Variants in PDIA5 observed in about 807,000 individuals in gnomAD.
PDIA5 encodes protein disulfide-isomerase A5.
Under a neutral mutation model 77.6 loss-of-function variants are expected in PDIA5, and 58 were observed. The observed-to-expected ratio is 0.75, with a 90% CI of 0.61 to 0.93. The LOEUF (loss-of-function observed/expected upper bound fraction) is 0.93, where lower values mean the gene tolerates loss of function less well. PDIA5 is among the 40% of genes least tolerant of loss of function. The pLI is 0.00. For missense variants in PDIA5, 630 were observed against 647.7 expected, an observed-to-expected ratio of 0.97 and a Z score of 0.30; for synonymous variants, 250 against 252.1, an observed-to-expected ratio of 0.99 and a Z score of 0.08.
chr3:123,102,451 G>C lies in PDIA5; in HGVS notation c.298G>C (p.Asp100His). 6.2e-7 allele frequency: 1 copy of C among 1,614,126 alleles called. No individual in the cohort carries two copies. The highest frequency in any genetic ancestry group is 1.1e-5 in the South Asian group (1 of 91,082). ...AAAATTGTGCAAGAAGATGAAAGTT[G>C]ACCTGAGCCCGAAGGACAAAAAGGT... ...SRKLCKKMKV[D>H]LSPKDKKVEL... Residue 100 changes from aspartate (D) to histidine (H), a missense_variant, in exon 4 of 17, where the codon GAC (aspartate) becomes CAC (histidine). Asp to His is a moderately conservative substitution (Grantham distance 81). Transcript: ENST00000316218.
At chr3:123,067,270 T>C (rs1933592430) in intron 1 of PDIA5, 64 bp downstream of exon 1, 12 of 1,191,020 alleles carry the variant, frequency 1.0e-5, no homozygotes, top group Non-Finnish European at 1.2e-5. Context: ...CCTTCTGCGC[T>C]CTCTGCTCCA....
chr3:123,090,194 C>A (rs1034034101), intron 2 of PDIA5, among the ~76,000 whole-genome samples: 50 of 152,324 alleles, frequency 3.3e-4, no homozygotes, highest in African/African-American at 1.2e-3. Context: ...CTTGCGGCTG[C>A]TGCTTCCCCT....
chr3:123,154,449 G>A (rs1215068392), intron 14 of PDIA5, among the ~76,000 whole-genome samples: 2 of 152,188 alleles, frequency 1.3e-5, no homozygotes, highest in Non-Finnish European at 2.9e-5. Context: ...TCTGGGCTGG[G>A]TGGAGGTTGC....
chr3:123,145,239 T>C, intron 11 of PDIA5: 1 of 370,080 alleles, frequency 2.7e-6, no homozygotes, highest in Non-Finnish European at 4.8e-6. Context: ...GTTCCTACTT[T>C]GTGGGGTAGT....
At chr3:123,150,211 C>G in intron 13 of PDIA5, 23 bp from the exon 14 acceptor site, 4 of 1,593,328 alleles carry the variant, frequency 2.5e-6, no homozygotes, top group Non-Finnish European at 3.4e-6. Flanking sequence ...TGGCTGCCTC[C>G]CCACTCCCCT....
intron 1 of PDIA5, 77 bp from the exon 2 acceptor site, chr3:123,089,091 G>A (rs1934215685): frequency 1.4e-6 from 2 of 1,427,244 alleles, no homozygotes; most frequent in East Asian, 2.3e-5. Context: ...GCTCTAGGCA[G>A]CACATCCATG....
Position 123,151,919 on chromosome 3 carries a change from T to G in PDIA5, c.1273+1555T>G, listed in dbSNP as rs879866617. Among the ~76,000 whole-genome samples, 602 of 120,382 alleles carry G rather than the reference T, an allele frequency of 5.0e-3. 7 individuals are homozygous for G. Among genetic ancestry groups the G allele is most frequent in the African/African-American group, 0.021 (549 of 26,604 alleles). The allele number at this position is 120,382 out of a possible 152,430, so 79.0% of individuals were successfully genotyped here. A position where few individuals can be genotyped will look rare whatever the true frequency, so the allele number is the denominator to read the frequency against. On this transcript the variant is annotated intron_variant, in intron 14 of 16. Coordinates refer to ENST00000316218, the MANE Select transcript of PDIA5 (RefSeq NM_006810.4). ...TTCCTGCCTGCCTTCCTTCCTGCCT[T>G]CCTTCCTTCCTGCCTTCCTTCCTGC...
At chr3:123,158,685 G>C (rs1349898276) in intron 15 of PDIA5, among the ~76,000 whole-genome samples, 4 of 152,216 alleles carry the variant, frequency 2.6e-5, no homozygotes, top group Admixed American at 1.3e-4. Context: ...CTGAGGCTGA[G>C]AGTAGCAGGT....
At position 123,106,746 on chromosome 3, in the gene PDIA5, C is replaced by CAAAA; in HGVS notation, c.388-2_388-1insAAAA. The CAAAA allele has an allele frequency of 6.2e-7, 1 of 1,600,372 alleles. No individual in the cohort carries two copies. Among genetic ancestry groups the CAAAA allele is most frequent in the African/African-American group, 1.3e-5 (1 of 74,508 alleles). Reference sequence around the variant, plus strand: ...ATTTTCTCTTCTCTTTTTTTTCCCTCAGTCCATAGTGGCCTTTTTGAAGGA... The same window carrying CAAAA: ...ATTTTCTCTTCTCTTTTTTTTCCCTCAAAAAGTCCATAGTGGCCTTTTTGAAGGA... On this transcript the variant is annotated splice_region_variant and splice_polypyrimidine_tract_variant and intron_variant, in intron 5 of 16. Transcript: ENST00000316218.
intron 8 of PDIA5, among the ~76,000 whole-genome samples, chr3:123,118,324 T>C (rs1015427550): frequency 3.9e-5 from 6 of 152,196 alleles, no homozygotes; most frequent in Admixed American, 2.6e-4. Flanking sequence ...TTATTTAGCC[T>C]GGAGAAAAGA....
chr3:123,091,156 C>A (rs931190300), intron 2 of PDIA5, among the ~76,000 whole-genome samples: 1 of 152,144 alleles, frequency 6.6e-6, no homozygotes, highest in African/African-American at 2.4e-5. Context: ...CTCCTGTCAC[C>A]CTGGCTGTGG....
chr3:123,067,364 G>A (rs1933595644), intron 1 of PDIA5, 158 bp downstream of exon 1: 2 of 597,112 alleles, frequency 3.3e-6, no homozygotes, highest in South Asian at 9.0e-5. Flanking sequence ...TGGGTGCTAC[G>A]CGGGAGACAG....
Position 123,094,436 on chromosome 3 carries a change from G to T in PDIA5, c.257+1994G>T, listed in dbSNP as rs1422002868. On this transcript the variant is annotated intron_variant, in intron 3 of 16. Transcript: ENST00000316218. ...ATGTAGGCCACTCTAGGCGGCAGCT[G>T]TCACGAACCACTGTTAGAAAAGGAG... 4.6e-5 allele frequency among the ~76,000 whole-genome samples: 7 copies of T among 152,204 alleles called. No individual in the cohort carries two copies. The South Asian group carries it at 1.2e-3, about 27-fold the overall frequency.
chr3:123,096,370 A>C (rs140220752), intron 3 of PDIA5, among the ~76,000 whole-genome samples: 2 of 151,642 alleles, frequency 1.3e-5, no homozygotes, highest in Non-Finnish European at 2.9e-5. Context: ...TATTTTTTTT[A>C]TAGAGACCAG....
At chr3:123,093,820 G>A (rs1049890184) in intron 3 of PDIA5, among the ~76,000 whole-genome samples, 1 of 152,172 alleles carries the variant, frequency 6.6e-6, no homozygotes, top group Non-Finnish European at 1.5e-5. Flanking sequence ...AGAGGCGGTC[G>A]AGTTCACATT....
intron 15 of PDIA5, among the ~76,000 whole-genome samples, chr3:123,158,719 G>T (rs1936078113): frequency 6.6e-6 from 1 of 152,190 alleles, no homozygotes; most frequent in South Asian, 2.1e-4. Flanking sequence ...CTGGTCTGAG[G>T]GGATGTGGCA....
In PDIA5 at chr3:123,106,010, T is replaced by A. The variant is rs556828661; in HGVS notation, c.388-739T>A. ...CATCTTCCCCACAGGGAGTGGAGAT[T>A]TGAGTCATTGTACACATAACAAAGG... On this transcript the variant is annotated intron_variant, in intron 5 of 16. Coordinates refer to ENST00000316218, the MANE Select transcript of PDIA5 (RefSeq NM_006810.4). Among the ~76,000 whole-genome samples the A allele has an allele frequency of 4.6e-5, 7 of 152,320 alleles. No individual in the cohort carries two copies. The East Asian group carries it at 1.3e-3, about 29-fold the overall frequency.
At chr3:123,140,046 G>A (rs1935588457) in intron 11 of PDIA5, among the ~76,000 whole-genome samples, 1 of 152,140 alleles carries the variant, frequency 6.6e-6, no homozygotes, top group African/African-American at 2.4e-5. Context: ...GGTCAGGGAG[G>A]GTCTCCTAGA....
intron 3 of PDIA5, among the ~76,000 whole-genome samples, chr3:123,094,207 C>A (rs1482375182): frequency 6.6e-6 from 1 of 152,194 alleles, no homozygotes; most frequent in Non-Finnish European, 1.5e-5. Flanking sequence ...ATGTAGTTGC[C>A]TCGCTGTGTT....
Sources: gnomAD v4.1 joint callset for allele counts (sites outside exome capture counted in the v4.1 genomes callset) on GRCh38, gnomAD v4.1.1 for gene constraint, MANE v1.5 for transcripts, NCBI Gene and HGNC (gene_info 2026-07-23, HGNC 2026-07-21) for gene names.